The following BABAM2 variants were observed in gnomAD, a reference collection of about 807,000 sequenced individuals.
The protein encoded by BABAM2 is BRISC and BRCA1-A complex member 2.
BABAM2 carries 31 observed loss-of-function variants against 54.7 expected under a neutral mutation model. The observed-to-expected ratio is 0.57, with a 90% CI of 0.43 to 0.77. The LOEUF (loss-of-function observed/expected upper bound fraction) is 0.77, where lower values mean the gene tolerates loss of function less well. BABAM2 is among the 30% of genes least tolerant of loss of function. The probability of loss-of-function intolerance (pLI) is 0.00; values close to 1 mark genes in which losing one functional copy is unlikely to be tolerated. For synonymous variants in BABAM2, 167 were observed against 162.9 expected (o/e 1.03, Z -0.19); for missense variants, 364 against 455.8 (o/e 0.80, Z 1.83).
At chr2:28,247,512 G>A (rs1035279411) in intron 10 of BABAM2, among the ~76,000 whole-genome samples, 5 of 152,148 alleles carry the variant, frequency 3.3e-5, no homozygotes, top group African/African-American at 4.8e-5. Context: ...CTTCCATGAA[G>A]ATGGGGAGGG....
At chr2:28,270,643 A>G (rs1315894932) in intron 10 of BABAM2, among the ~76,000 whole-genome samples, 2 of 152,166 alleles carry the variant, frequency 1.3e-5, no homozygotes, top group African/African-American at 2.4e-5. Context: ...GTTCACCCAG[A>G]TGGCATGACT....
chr2:28,283,603 G>A (rs964346377), intron 10 of BABAM2, among the ~76,000 whole-genome samples: 1 of 152,166 alleles, frequency 6.6e-6, no homozygotes, highest in Non-Finnish European at 1.5e-5. Flanking sequence ...ACCCAGAGAA[G>A]GTCTGTGGTA....
intron 6 of BABAM2, among the ~76,000 whole-genome samples, chr2:28,119,265 G>C (rs928633552): frequency 1.3e-5 from 2 of 152,198 alleles, no homozygotes; most frequent in Admixed American, 1.3e-4. Context: ...ACTTAGGGCA[G>C]TAGGGGAAAC....
chr2:28,214,512 G>A (rs1679758546), intron 7 of BABAM2, among the ~76,000 whole-genome samples: 1 of 151,906 alleles, frequency 6.6e-6, no homozygotes, highest in Non-Finnish European at 1.5e-5. Flanking sequence ...AATTTTCTTT[G>A]TAGACAATCA....
intron 6 of BABAM2, among the ~76,000 whole-genome samples, chr2:28,096,659 T>C (rs1666653950): frequency 6.6e-6 from 1 of 152,116 alleles, no homozygotes. Context: ...CATGTCATAG[T>C]TTTGTCAGCC....
At chr2:28,196,980 G>A (rs973557002) in intron 7 of BABAM2, among the ~76,000 whole-genome samples, 8 of 151,030 alleles carry the variant, frequency 5.3e-5, no homozygotes, top group African/African-American at 1.9e-4. Flanking sequence ...GAATAGATGG[G>A]ACTACAGGTG....
intron 7 of BABAM2, among the ~76,000 whole-genome samples, chr2:28,190,512 C>T (rs996417973): frequency 6.6e-6 from 1 of 152,120 alleles, no homozygotes; most frequent in Non-Finnish European, 1.5e-5. Flanking sequence ...CATGGAGAAA[C>T]CCTGTCTCTA....
intron 10 of BABAM2, among the ~76,000 whole-genome samples, chr2:28,281,415 C>T (rs556580311): frequency 7.2e-5 from 11 of 152,316 alleles, no homozygotes; most frequent in African/African-American, 7.2e-5. Context: ...AAAAAATATA[C>T]ATTCCCATTC....
At chr2:27,993,017 G>T (rs1008212075) in intron 4 of BABAM2, among the ~76,000 whole-genome samples, 1 of 152,092 alleles carries the variant, frequency 6.6e-6, no homozygotes, top group Non-Finnish European at 1.5e-5. Flanking sequence ...CTTTGTTGTG[G>T]TCTGTTTTCT....
intron 2 of BABAM2, among the ~76,000 whole-genome samples, chr2:27,895,517 A>T (rs1172801733): frequency 6.6e-6 from 1 of 152,210 alleles, no homozygotes; most frequent in Non-Finnish European, 1.5e-5. Context: ...TCCTCAATGC[A>T]TCAGATCAGG....
At chr2:28,006,680 A>T (rs1038872112) in intron 4 of BABAM2, among the ~76,000 whole-genome samples, 3 of 152,098 alleles carry the variant, frequency 2.0e-5, no homozygotes, top group Non-Finnish European at 4.4e-5. Context: ...AAGGTGAATG[A>T]TACTAAGTAT....
At chr2:28,108,420 C>T (rs1667715748) in intron 6 of BABAM2, among the ~76,000 whole-genome samples, 1 of 152,172 alleles carries the variant, frequency 6.6e-6, no homozygotes, top group Non-Finnish European at 1.5e-5. Flanking sequence ...GTCACAATTT[C>T]TGTTCATAAG....
Position 28,039,421 on chromosome 2 carries a change from A to G in BABAM2, c.496-6304A>G, listed in dbSNP as rs149341320. ...TGACTTTCCTTTTCACATTTAGTGTATATGTATGCATGTGCTAAGGAACAA... is the reference window on the plus strand; with the variant it reads ...TGACTTTCCTTTTCACATTTAGTGTGTATGTATGCATGTGCTAAGGAACAA... On this transcript the variant is annotated intron_variant, in intron 5 of 11. Transcript: ENST00000379624. Among the ~76,000 whole-genome samples the G allele has an allele frequency of 9.8e-5, 15 of 152,366 alleles. No homozygotes were observed. In the East Asian group the frequency reaches 2.5e-3, roughly 25 times the overall value.
chr2:27,928,916 A>T (rs537993949), intron 2 of BABAM2, among the ~76,000 whole-genome samples: 3 of 142,532 alleles, frequency 2.1e-5, no homozygotes, highest in East Asian at 2.0e-4. Context: ...ATAATAGATT[A>T]AAAAAAAAAA....
At chr2:27,913,582 C>G (rs1666758110) in intron 2 of BABAM2, among the ~76,000 whole-genome samples, 2 of 152,082 alleles carry the variant, frequency 1.3e-5, no homozygotes, top group Non-Finnish European at 2.9e-5. Context: ...GTTACTTTGT[C>G]CATGCTTTAC....
intron 6 of BABAM2, among the ~76,000 whole-genome samples, chr2:28,056,015 C>T (rs72812598): frequency 0.069 from 10,430 of 152,056 alleles, 546 homozygotes; most frequent in African/African-American, 0.15. Flanking sequence ...TGCATGATCT[C>T]GCTTGTATGT....
At chr2:28,074,112 G>C (rs974190856) in intron 6 of BABAM2, among the ~76,000 whole-genome samples, 1 of 151,886 alleles carries the variant, frequency 6.6e-6, no homozygotes, top group African/African-American at 2.4e-5. Context: ...TTTTATGACT[G>C]GTGCTCAAAG....
At chr2:27,930,739 A>G (rs1668033801) in intron 3 of BABAM2, among the ~76,000 whole-genome samples, 1 of 152,220 alleles carries the variant, frequency 6.6e-6, no homozygotes, top group South Asian at 2.1e-4. Flanking sequence ...CATCAGCTAC[A>G]GCAGCCCTCT....
At chr2:28,327,389 G>A (rs1475542887) in intron 11 of BABAM2, 2 of 1,613,356 alleles carry the variant, frequency 1.2e-6, no homozygotes, top group Non-Finnish European at 1.7e-6. Flanking sequence ...AAGCTCCAGA[G>A]GGCCTCCTTG....
Sources: gnomAD v4.1 joint callset for allele counts (sites outside exome capture counted in the v4.1 genomes callset) on GRCh38, gnomAD v4.1.1 for gene constraint, MANE v1.5 for transcripts, NCBI Gene and HGNC (gene_info 2026-07-23, HGNC 2026-07-21) for gene names.